FBXW4: variants seen among roughly 807,000 people sequenced by gnomAD.
The protein encoded by FBXW4 is F-box/WD repeat-containing protein 4.
Under a neutral mutation model 61.8 loss-of-function variants are expected in FBXW4, and 40 were observed. The observed-to-expected ratio is 0.65, with a 90% CI of 0.50 to 0.84. The LOEUF is 0.84. Ranked by LOEUF, FBXW4 falls within the 40% of genes least tolerant of loss-of-function variation. The pLI, the probability that FBXW4 is intolerant of heterozygous loss-of-function variation, is 0.00. For missense variants in FBXW4, 672 were observed against 753.8 expected, an observed-to-expected ratio of 0.89 and a Z score of 1.27; for synonymous variants, 311 against 313.8, an observed-to-expected ratio of 0.99 and a Z score of 0.10.
chr10:101,663,155 G>A (rs1290059891), intron 5 of FBXW4, among the ~76,000 whole-genome samples: 3 of 152,128 alleles, frequency 2.0e-5, no homozygotes, highest in African/African-American at 7.2e-5. Flanking sequence ...GATCTTCCCT[G>A]GGCCTCAATT....
intron 5 of FBXW4, among the ~76,000 whole-genome samples, chr10:101,640,112 C>G (rs1358552611): frequency 6.6e-6 from 1 of 152,156 alleles, no homozygotes; most frequent in Non-Finnish European, 1.5e-5. Context: ...AAAATTAATA[C>G]CTGGTAGGTC....
Position 101,673,673 on chromosome 10 carries a change from A to G in FBXW4, c.822T>C (p.Ser274=), listed in dbSNP as rs2064380896. ...REGILLKWRC[S]QMPWMQLEDD... is the part of the protein sequence containing the mutation. ...CCTCTAGCTGCATCCAGGGCATCTG[A>G]CTGAAATGATGGAAAAGAAAATTTA... Residue 274 remains serine, a splice_region_variant and synonymous_variant, in exon 3 of 9, where the codon AGT becomes AGC. Transcript: ENST00000331272. 1 of 1,610,480 alleles carries G rather than the reference A, an allele frequency of 6.2e-7. No individual in the cohort carries two copies. The highest frequency in any genetic ancestry group is 1.3e-5 in the African/African-American group (1 of 74,826).
chr10:101,636,521 C>T (rs990969742), intron 5 of FBXW4, among the ~76,000 whole-genome samples: 4 of 151,712 alleles, frequency 2.6e-5, no homozygotes, highest in Non-Finnish European at 4.4e-5. Flanking sequence ...GTTCACTTAA[C>T]CCTCAAGACA....
In FBXW4 at chr10:101,694,871, C is replaced by T. The variant is rs2064660140; in HGVS notation, c.235G>A (p.Ala79Thr). Residue 79 changes from alanine (A) to threonine (T), a missense_variant, in exon 1 of 9, where the codon GCA (alanine) becomes ACA (threonine). Around this residue, in one of 5 missense-constraint regions of FBXW4, gnomAD observed 311 missense variants for 301.1 expected, o/e 1.03. Transcript: ENST00000331272. This position sits in a 1 kb window ranked among gnomAD's most constrained non-coding sequence, Gnocchi z 6.0. ...AGPGADAGAR[A>T]CPREEAEGGR... ...CCCTCTGCTTCCTCCCTTGGGCATGCCCTCGCTCCCGCGTCAGCCCCCGGC... is the reference window on the plus strand; with the variant it reads ...CCCTCTGCTTCCTCCCTTGGGCATGTCCTCGCTCCCGCGTCAGCCCCCGGC... 1 of 1,246,026 alleles carries T rather than the reference C, an allele frequency of 8.0e-7. No homozygotes were observed. Among genetic ancestry groups the T allele is most frequent in the Non-Finnish European group, 1.0e-6 (1 of 996,304 alleles). The allele number at this position is 1,246,026 out of a possible 1,614,324, so 77.2% of individuals were successfully genotyped here.
At chr10:101,693,845 T>A (rs1026226835) in intron 1 of FBXW4, among the ~76,000 whole-genome samples, 15 of 152,166 alleles carry the variant, frequency 9.9e-5, no homozygotes, top group African/African-American at 3.1e-4. Flanking sequence ...TCTGCCTATA[T>A]GAAGTCATAA....
intron 2 of FBXW4, 144 bp from the exon 3 acceptor site, chr10:101,673,817 A>T: frequency 1.4e-6 from 1 of 736,824 alleles, no homozygotes; most frequent in Non-Finnish European, 2.1e-6. Flanking sequence ...CCTCCTTCAA[A>T]ATTACCTGCC....
intron 5 of FBXW4, among the ~76,000 whole-genome samples, chr10:101,642,696 G>A (rs1436295633): frequency 6.6e-6 from 1 of 152,186 alleles, no homozygotes; most frequent in Non-Finnish European, 1.5e-5. Flanking sequence ...CAGCATATTT[G>A]CTTTCTGGGA....
chr10:101,652,644 T>C (rs2134862557), intron 5 of FBXW4, among the ~76,000 whole-genome samples: 1 of 152,188 alleles, frequency 6.6e-6, no homozygotes, highest in East Asian at 1.9e-4. Context: ...AACAAAATGC[T>C]AAAATCAAGC....
At chr10:101,621,927 G>A (rs1476426581) in intron 6 of FBXW4, among the ~76,000 whole-genome samples, 2 of 152,140 alleles carry the variant, frequency 1.3e-5, no homozygotes, top group African/African-American at 4.8e-5. Context: ...CTCTTGTCTA[G>A]GATCACAGCT....
chr10:101,624,245 T>C (rs1172723379), intron 6 of FBXW4, among the ~76,000 whole-genome samples: 1 of 150,714 alleles, frequency 6.6e-6, no homozygotes, highest in Non-Finnish European at 1.5e-5. Context: ...CCTGTGAATC[T>C]ATAATTATTT....
chr10:101,631,828 C>T (rs946620450), intron 5 of FBXW4, among the ~76,000 whole-genome samples: 4 of 152,098 alleles, frequency 2.6e-5, no homozygotes, highest in South Asian at 2.1e-4. Context: ...GGGGTTTCGC[C>T]GTGTTAGCCA....
intron 5 of FBXW4, among the ~76,000 whole-genome samples, chr10:101,635,918 G>C (rs745489846): frequency 4.6e-5 from 7 of 152,040 alleles, no homozygotes; most frequent in Admixed American, 3.3e-4. Context: ...CCCTACCCTG[G>C]GGGGGCGGGC....
Position 101,612,349 on chromosome 10 carries a change from C to A in FBXW4, c.1430G>T (p.Arg477Leu). The change falls in exon 7 of 9, where the codon CGC becomes CTC. Residue 477 changes from arginine to leucine, a missense_variant. This residue lies in a region of FBXW4 where 312 missense variants were observed against 370.1 expected (regional missense o/e 0.84). Coordinates refer to ENST00000331272, the MANE Select transcript of FBXW4 (RefSeq NM_022039.4). ...YDTYVRYWDLRTSVRKCVMEW... is the reference protein window; with the variant it reads ...YDTYVRYWDLLTSVRKCVMEW... ...CCAGCACACTCACCGGACGCTGGTG[C>A]GGAGGTCCCAGTAGCGAACATAGGT... The A allele has an allele frequency of 1.3e-6, 2 of 1,574,088 alleles. No homozygotes were observed. Among genetic ancestry groups the A allele is most frequent in the Non-Finnish European group, 1.7e-6 (2 of 1,157,756 alleles).
At chr10:101,692,746 C>CAAAAAAAA (rs61631625) in intron 1 of FBXW4, among the ~76,000 whole-genome samples, 4 of 85,152 alleles carry the variant, frequency 4.7e-5, no homozygotes, top group Non-Finnish European at 6.4e-5. Flanking sequence ...AACTCCGTCT[C>CAAAAAAAA]AAAAAAAAAA....
chr10:101,663,657 G>T (rs557690018), intron 5 of FBXW4, among the ~76,000 whole-genome samples: 7 of 151,016 alleles, frequency 4.6e-5, no homozygotes, highest in Non-Finnish European at 8.8e-5. Context: ...AAAAGAGTCT[G>T]CCCTTCTGTG....
intron 5 of FBXW4, among the ~76,000 whole-genome samples, chr10:101,653,760 C>T (rs1468431821): frequency 6.6e-6 from 1 of 151,830 alleles, no homozygotes; most frequent in Non-Finnish European, 1.5e-5. Context: ...ACGGTAAAAA[C>T]AAACAGTCTC....
At chr10:101,679,900 T>G (rs1193787851) in intron 1 of FBXW4, among the ~76,000 whole-genome samples, 3 of 152,178 alleles carry the variant, frequency 2.0e-5, no homozygotes, top group Admixed American at 2.0e-4. Context: ...CCTTCCTCCC[T>G]TCTGAATCTC....
At chr10:101,648,812 T>C (rs7078354) in intron 5 of FBXW4, among the ~76,000 whole-genome samples, 104,748 of 152,086 alleles carry the variant, frequency 0.69, 36,263 homozygotes, top group East Asian at 0.86. Flanking sequence ...TCAGGTTTTC[T>C]GATCAGTATT....
At chr10:101,629,948 G>A (rs997221797) in intron 5 of FBXW4, among the ~76,000 whole-genome samples, 16 of 152,198 alleles carry the variant, frequency 1.1e-4, no homozygotes, top group East Asian at 3.9e-4. Context: ...GCTGTGCCCC[G>A]TGGCTGGCCT....
Sources: gnomAD v4.1 joint callset for allele counts (sites outside exome capture counted in the v4.1 genomes callset) on GRCh38, gnomAD v4.1.1 for gene constraint, gnomAD v4.1.1 regional missense constraint, Gnocchi (gnomAD v3.1) non-coding constraint, MANE v1.5 for transcripts, NCBI Gene and HGNC (gene_info 2026-07-23, HGNC 2026-07-21) for gene names.